Variants in EFCAB8 observed in about 807,000 individuals in gnomAD.
EFCAB8 encodes EF-hand calcium binding domain 8.
Under a neutral mutation model 116.3 loss-of-function variants are expected in EFCAB8, and 100 were observed. The ratio of observed to expected loss-of-function variants is 0.86; its 90% confidence interval spans 0.73 to 1.02. The LOEUF (loss-of-function observed/expected upper bound fraction) is 1.02, where lower values mean the gene tolerates loss of function less well. Ranked by LOEUF, EFCAB8 falls within the 50% of genes least tolerant of loss-of-function variation. EFCAB8 has a pLI of 0.00. For synonymous variants in EFCAB8, 558 were observed against 567.9 expected (o/e 0.98, Z 0.25); for missense variants, 1,320 against 1,416.9 (o/e 0.93, Z 1.10).
chr20:32,889,392 C>T lies in EFCAB8; in HGVS notation c.659C>T (p.Thr220Ile). ...ATGAACCTCGTTGCAGTTGCGTCTA[C>T]CAGGCAAAAGATAGGTGAGTCCCTG... ...HNMNLVAVAS[T>I]RQKIDFFDIS... is the part of the protein sequence containing the mutation. The change falls in exon 7 of 27, where the codon ACC becomes ATC. Residue 220 changes from threonine to isoleucine, a missense_variant. Thr to Ile is a moderately conservative substitution (Grantham distance 89, BLOSUM62 -1). Coordinates refer to ENST00000400522, the MANE Select transcript of EFCAB8 (RefSeq NM_001143967.2). The T allele has an allele frequency of 6.4e-7, 1 of 1,551,870 alleles. No homozygotes were observed. Among genetic ancestry groups the T allele is most frequent in the Non-Finnish European group, 8.7e-7 (1 of 1,147,012 alleles).
Position 32,912,859 on chromosome 20 carries a change from T to A in EFCAB8, c.1851T>A (p.His617Gln). ...CAGGATGGAGTAAGAGAATCACTCATTTCCTGTGAGTAGAAAGCATGTATG... is the reference window on the plus strand; with the variant it reads ...CAGGATGGAGTAAGAGAATCACTCAATTCCTGTGAGTAGAAAGCATGTATG... ...YVTGWSKRIT[H>Q]FLFHKTKPVL... Residue 617 changes from histidine to glutamine, a missense_variant, in exon 17 of 27, where the codon CAT (histidine) becomes CAA (glutamine). His to Gln is a conservative substitution (Grantham distance 24). Transcript: ENST00000400522. The A allele has an allele frequency of 1.4e-6, 1 of 718,976 alleles. No individual in the cohort carries two copies. The allele number at this position is 718,976 out of a possible 1,614,324, so 44.5% of individuals were successfully genotyped here.
intron 23 of EFCAB8, among the ~76,000 whole-genome samples, chr20:32,948,643 T>A (rs1337483201): frequency 6.6e-6 from 1 of 151,680 alleles, no homozygotes; most frequent in Non-Finnish European, 1.5e-5. Context: ...ATACAAAATA[T>A]CTTAACAAAA....
At chr20:32,899,447 T>C (rs1460766308) in intron 11 of EFCAB8, among the ~76,000 whole-genome samples, 1 of 150,472 alleles carries the variant, frequency 6.6e-6, no homozygotes, top group African/African-American at 2.4e-5. Context: ...CACACAAGTA[T>C]GTATTAAATG....
intron 7 of EFCAB8, among the ~76,000 whole-genome samples, 196 bp downstream of exon 7, chr20:32,889,602 CA>C (rs1264385101): frequency 2.6e-4 from 39 of 152,148 alleles, no homozygotes; most frequent in African/African-American, 8.7e-4. Context: ...TGATGTTGAA[CA>C]GACCCAAATT....
Position 32,930,761 on chromosome 20 carries a change from T to C in EFCAB8, c.2631+145T>C, listed in dbSNP as rs1029259090. 6 of 798,178 alleles carry C rather than the reference T, an allele frequency of 7.5e-6. No individual in the cohort carries two copies. In the African/African-American group the frequency reaches 8.6e-5, roughly 11 times the overall value. 49.4% of individuals were successfully genotyped at this position (798,178 alleles called of 1,614,324 possible). A position where few individuals can be genotyped will look rare whatever the true frequency, so the allele number is the denominator to read the frequency against. On this transcript the variant is annotated intron_variant, in intron 21 of 26. Coordinates refer to ENST00000400522, the MANE Select transcript of EFCAB8 (RefSeq NM_001143967.2). ...AACAATGCAGCGAGGAGTCCTCTCC[T>C]GCTCTGCTAAGCCCAGTGACAGGAG...
At chr20:32,961,074 A>C in intron 26 of EFCAB8, 62 bp from the exon 27 acceptor site, 2 of 1,429,728 alleles carry the variant, frequency 1.4e-6, no homozygotes, top group Non-Finnish European at 1.9e-6. Context: ...TCTACTCTTG[A>C]TCCTGGGTGT....
At chr20:32,908,525 A>G in intron 14 of EFCAB8, 113 bp downstream of exon 14, 1 of 1,138,572 alleles carries the variant, frequency 8.8e-7, no homozygotes, top group East Asian at 3.2e-5. Flanking sequence ...GGGACTGCTG[A>G]AGCGGCTAGA....
chr20:32,893,335 G>A (rs747174610), intron 9 of EFCAB8, 37 bp downstream of exon 9: 1 of 1,550,902 alleles, frequency 6.4e-7, no homozygotes. Flanking sequence ...AGAGGCCTGG[G>A]CATGGCCTAG....
chr20:32,949,540 A>G (rs182730868), intron 23 of EFCAB8, among the ~76,000 whole-genome samples: 5 of 152,382 alleles, frequency 3.3e-5, no homozygotes, highest in Non-Finnish European at 5.9e-5. Flanking sequence ...TGGTAATGGC[A>G]TAGAGACAGA....
rs1325854728 is a variant in EFCAB8, at chr20:32,927,785, G to A, written c.2413-2613G>A. ...AAAGTGGGGGAAATGCTTGCCCTTT[G>A]TCTTTGGTTCAGGGATTCCTGTTTT... On this transcript the variant is annotated intron_variant, in intron 20 of 26. Transcript: ENST00000400522. Among the ~76,000 whole-genome samples the A allele has an allele frequency of 2.0e-5, 3 of 152,192 alleles. No individual in the cohort carries two copies. In the East Asian group the frequency reaches 5.8e-4, roughly 29 times the overall value.
chr20:32,959,914 T>C lies in EFCAB8; in HGVS notation c.3226T>C (p.Trp1076Arg), dbSNP rs374444517. The C allele has an allele frequency of 6.4e-7, 1 of 1,551,490 alleles. No homozygotes were observed. The highest frequency in any genetic ancestry group is 1.4e-5 in the African/African-American group (1 of 73,010). The stretch of plus-strand genomic sequence containing the variant: ...GCAGAAGATGGCCCTGATGTCCCCG[T>C]GGGCCGGAGAGCGCCCCCTGGAAGA... Reference protein sequence around the residue: ...KLQKMALMSPWAGERPLEDIE... With the variant: ...KLQKMALMSPRAGERPLEDIE... Residue 1076 changes from tryptophan to arginine, a missense_variant, in exon 25 of 27, where the codon TGG becomes CGG. Coordinates refer to ENST00000400522, the MANE Select transcript of EFCAB8 (RefSeq NM_001143967.2).
At chr20:32,949,839 A>T (rs1988742002) in intron 23 of EFCAB8, among the ~76,000 whole-genome samples, 1 of 152,248 alleles carries the variant, frequency 6.6e-6, no homozygotes, top group Non-Finnish European at 1.5e-5. Flanking sequence ...TCTCTGCTAA[A>T]CATACAAAAA....
intron 5 of EFCAB8, among the ~76,000 whole-genome samples, chr20:32,883,896 G>A (rs775008821): frequency 1.3e-5 from 2 of 152,062 alleles, no homozygotes; most frequent in Non-Finnish European, 2.9e-5. Context: ...TCACCACGTT[G>A]GCCGGGCTGG....
rs370194344 is a variant in EFCAB8, at chr20:32,960,050, G to A, written c.3295-13G>A. The A allele has an allele frequency of 4.1e-4, 636 of 1,551,558 alleles. 1 individual carries two copies. The highest frequency in any genetic ancestry group is 3.4e-3 in the East Asian group (140 of 40,934). Reference sequence around the variant, plus strand: ...CAACTCGCAGCCTTCATTCTTGGGCGTGGCTCCTGCAGGTGAGCAAAGTCT... The same window carrying A: ...CAACTCGCAGCCTTCATTCTTGGGCATGGCTCCTGCAGGTGAGCAAAGTCT... On this transcript the variant is annotated splice_polypyrimidine_tract_variant and intron_variant, in intron 25 of 26. Transcript: ENST00000400522.
intron 5 of EFCAB8, among the ~76,000 whole-genome samples, chr20:32,883,116 TC>T (rs1985425290): frequency 1.3e-5 from 2 of 152,078 alleles, no homozygotes. Flanking sequence ...CAGGTGTGAG[TC>T]ATTGCGCCTG....
intron 11 of EFCAB8, among the ~76,000 whole-genome samples, chr20:32,905,201 G>T (rs909190104): frequency 6.6e-6 from 1 of 152,196 alleles, no homozygotes; most frequent in African/African-American, 2.4e-5. Flanking sequence ...TGTGCGGGAG[G>T]AGTAATATTT....
At chr20:32,921,199 TCC>T (rs1170420430) in intron 20 of EFCAB8, among the ~76,000 whole-genome samples, 3,564 of 8,670 alleles carry the variant, frequency 0.41, 99 homozygotes, top group African/African-American at 0.48. Context: ...TATTTCTCTC[TCC>T]TTTTTTTTTC....
intron 23 of EFCAB8, among the ~76,000 whole-genome samples, chr20:32,957,667 C>G (rs985095675): frequency 1.3e-5 from 2 of 152,228 alleles, no homozygotes; most frequent in South Asian, 4.2e-4. Flanking sequence ...TGCATTCAGG[C>G]GAGACTTAAT....
chr20:32,916,707 G>A (rs1987206249), intron 17 of EFCAB8, among the ~76,000 whole-genome samples: 1 of 152,156 alleles, frequency 6.6e-6, no homozygotes, highest in African/African-American at 2.4e-5. Flanking sequence ...TATTCAGTTT[G>A]TATCAAGAAG....
Sources: gnomAD v4.1 joint callset for allele counts (sites outside exome capture counted in the v4.1 genomes callset) on GRCh38, gnomAD v4.1.1 for gene constraint, MANE v1.5 for transcripts, NCBI Gene and HGNC (gene_info 2026-07-23, HGNC 2026-07-21) for gene names.